The following PIK3CA variants were observed in gnomAD, a reference collection of about 807,000 sequenced individuals.
The protein encoded by PIK3CA is phosphatidylinositol-4,5-bisphosphate 3-kinase catalytic subunit alpha.
In PIK3CA, 27 loss-of-function variants were observed where a neutral mutation model predicts 138.2. The ratio of observed to expected loss-of-function variants is 0.20; its 90% CI spans 0.14 to 0.27. The LOEUF (loss-of-function observed/expected upper bound fraction) is 0.27, where lower values mean the gene tolerates loss of function less well. Among genes scored for constraint, PIK3CA ranks in the 10% least tolerant of loss-of-function variants. PIK3CA has a pLI of 1.00. For synonymous variants in PIK3CA, 358 were observed against 413.2 expected, an observed-to-expected ratio of 0.87 and a Z score of 1.62; for missense variants, 544 against 1,277.4, an observed-to-expected ratio of 0.43 and a Z score of 8.75.
chr3:179,235,769 A>C lies in PIK3CA; in HGVS notation c.*1405A>C, dbSNP rs1310102382. 1.9e-5 allele frequency: 4 copies of C among 212,136 alleles called. No homozygotes were observed. Among genetic ancestry groups the C allele is most frequent in the Non-Finnish European group, 3.8e-5 (4 of 104,632 alleles). The allele number at this position is 212,136 out of a possible 1,614,324, so 13.1% of individuals were successfully genotyped here. A position where few individuals can be genotyped will look rare whatever the true frequency, so the allele number is the denominator to read the frequency against. On this transcript the variant is annotated 3_prime_UTR_variant, in exon 21 of 21. Transcript: ENST00000263967. ...GTAGAACATTAAACCATTTTAAGAT[A>C]TGTCTCATTCCCAAGTAGTCAGAGC...
Position 179,234,166 on chromosome 3 carries a change from A to G in PIK3CA, c.3009A>G (p.Ser1003=), listed in dbSNP as rs2108429258. The change falls in exon 21 of 21, where the codon TCA becomes TCG. Residue 1003 remains serine, a synonymous_variant. Coordinates refer to ENST00000263967, the MANE Select transcript of PIK3CA (RefSeq NM_006218.4). The surrounding 1 kb of genome is among the most constrained non-coding windows in gnomAD (Gnocchi z 5.1). ...CCAATCTCTTCATAAATCTTTTCTC[A>G]ATGATGCTTGGCTCTGGAATGCCAG... The part of the protein sequence containing the change: ...QHANLFINLF[S]MMLGSGMPEL... 1 of 1,613,394 alleles carries G rather than the reference A, an allele frequency of 6.2e-7. No homozygotes were observed. The highest frequency in any genetic ancestry group is 8.5e-7 in the Non-Finnish European group (1 of 1,179,476).
chr3:179,218,854 C>G (rs978557440), intron 10 of PIK3CA, among the ~76,000 whole-genome samples: 2 of 151,910 alleles, frequency 1.3e-5, no homozygotes, highest in African/African-American at 4.8e-5. Flanking sequence ...AGTGGTGACT[C>G]TATGATTCAT....
intron 1 of PIK3CA, among the ~76,000 whole-genome samples, chr3:179,173,742 T>A (rs1402796882): frequency 6.6e-6 from 1 of 152,142 alleles, no homozygotes; most frequent in Non-Finnish European, 1.5e-5. Context: ...TGTTTTTGTT[T>A]AGAGGTGGAG....
intron 1 of PIK3CA, among the ~76,000 whole-genome samples, chr3:179,183,785 G>A (rs1357789308): frequency 6.6e-6 from 1 of 152,176 alleles, no homozygotes; most frequent in African/African-American, 2.4e-5. Flanking sequence ...AAAATGTCAG[G>A]GACCTAAGTA....
intron 1 of PIK3CA, among the ~76,000 whole-genome samples, chr3:179,187,826 A>C (rs1198654877): frequency 1.3e-5 from 2 of 151,110 alleles, no homozygotes; most frequent in African/African-American, 4.9e-5. Context: ...TTTAGTAGAG[A>C]TGGGGTTTCA....
chr3:179,208,369 T>C (rs951771967), intron 6 of PIK3CA, among the ~76,000 whole-genome samples: 3 of 152,198 alleles, frequency 2.0e-5, no homozygotes, highest in African/African-American at 7.2e-5. Flanking sequence ...ATCTAACATA[T>C]GAGCTTCTAT....
rs1724920895 is a variant in PIK3CA at position 179,219,653 on chromosome 3, T to C, written c.1829T>C (p.Met610Thr). 1.2e-6 allele frequency: 2 copies of C among 1,610,758 alleles called. No homozygotes were observed. The highest frequency in any genetic ancestry group is 1.7e-6 in the Non-Finnish European group (2 of 1,177,282). The change falls in exon 12 of 21, where the codon ATG becomes ACG. Residue 610 changes from methionine to threonine, a missense_variant. Physicochemically the swap from Met to Thr is moderately conservative, Grantham distance 81. Transcript: ENST00000263967. This position sits in a 1 kb window ranked among gnomAD's most constrained non-coding sequence, Gnocchi z 4.2. ...CTGGACTGTAATTACCCAGATCCTA[T>C]GGTTCGAGGTTTTGCTGTTCGGTGC... Reference protein sequence around the residue: ...ELLDCNYPDPMVRGFAVRCLE... With the variant: ...ELLDCNYPDPTVRGFAVRCLE...
At chr3:179,214,681 A>G (rs1015702622) in intron 9 of PIK3CA, among the ~76,000 whole-genome samples, 3 of 152,164 alleles carry the variant, frequency 2.0e-5, no homozygotes, top group African/African-American at 7.2e-5. Flanking sequence ...TAGGGATACC[A>G]CCACAAACCT....
At position 179,206,148 on chromosome 3, in the gene PIK3CA, G is replaced by A. The variant is rs146649648; in HGVS notation, c.1145+1560G>A. Among the ~76,000 whole-genome samples, 189 of 137,954 alleles carry A rather than the reference G, an allele frequency of 1.4e-3. 1 individual carries two copies. Among genetic ancestry groups the A allele is most frequent in the African/African-American group, 4.9e-3 (176 of 35,746 alleles). The allele number at this position is 137,954 out of a possible 152,430, so 90.5% of individuals were successfully genotyped here. The stretch of plus-strand genomic sequence containing the variant: ...ACCCTGTGGCCCAGGCTGGAGTACA[G>A]TCAAGTGTAAGCGATTCTCCTGCCT... On this transcript the variant is annotated intron_variant, in intron 6 of 20. Coordinates refer to ENST00000263967, the MANE Select transcript of PIK3CA (RefSeq NM_006218.4).
At chr3:179,224,453 A>G (rs935024546) in intron 15 of PIK3CA, among the ~76,000 whole-genome samples, 4 of 149,536 alleles carry the variant, frequency 2.7e-5, no homozygotes. Context: ...TGGAAATGTA[A>G]TATCTGTAAA....
chr3:179,172,491 G>GA (rs532076726), intron 1 of PIK3CA, among the ~76,000 whole-genome samples: 22,678 of 139,916 alleles, frequency 0.16, 1,883 homozygotes, highest in South Asian at 0.24. Context: ...CTACCAAAAA[G>GA]AAAAAAAAAA....
upstream of PIK3CA, chr3:179,148,170 A>AGGGG (rs145529934): frequency 6.2e-5 from 7 of 112,216 alleles, no homozygotes; most frequent in African/African-American, 1.3e-4. Context: ...CTGCCGGAGG[A>AGGGG]GGGGGGGGGC....
intron 1 of PIK3CA, among the ~76,000 whole-genome samples, chr3:179,153,896 G>C (rs919104949): frequency 6.6e-6 from 1 of 152,298 alleles, no homozygotes; most frequent in South Asian, 2.1e-4. Context: ...TGAGGATTCA[G>C]CTTCAAGGCT....
At chr3:179,171,071 G>A (rs1294020911) in intron 1 of PIK3CA, among the ~76,000 whole-genome samples, 1 of 152,076 alleles carries the variant, frequency 6.6e-6, no homozygotes, top group African/African-American at 2.4e-5. Context: ...AATAAATATG[G>A]AAGAATTGAA....
Position 179,163,101 on chromosome 3 carries a change from A to G in PIK3CA, c.-77+14498A>G, listed in dbSNP as rs189913318. Among the ~76,000 whole-genome samples, 16 of 152,320 alleles carry G rather than the reference A, an allele frequency of 1.1e-4. No homozygotes were observed. The East Asian group carries it at 3.1e-3, about 29-fold the overall frequency. ...ATCCCAGAAACACTCTAAATATGAT[A>G]AAGAAGTAATCAGAAATTAGGAGAA... On this transcript the variant is annotated intron_variant, in intron 1 of 20. Coordinates refer to ENST00000263967, the MANE Select transcript of PIK3CA (RefSeq NM_006218.4).
At chr3:179,205,643 C>G (rs544844729) in intron 6 of PIK3CA, among the ~76,000 whole-genome samples, 1 of 152,232 alleles carries the variant, frequency 6.6e-6, no homozygotes, top group South Asian at 2.1e-4. Context: ...TTATGGGGAA[C>G]ATTTTAAATT....
chr3:179,209,128 CAAAGT>C (rs1724644079), intron 6 of PIK3CA, among the ~76,000 whole-genome samples: 1 of 151,244 alleles, frequency 6.6e-6, no homozygotes. Flanking sequence ...AGTTCAGTCA[CAAAGT>C]AAATACCCAT....
intron 1 of PIK3CA, among the ~76,000 whole-genome samples, chr3:179,194,832 C>G (rs909348360): frequency 6.6e-6 from 1 of 152,104 alleles, no homozygotes; most frequent in Admixed American, 6.6e-5. Flanking sequence ...CTCTCTGAAG[C>G]CTTCCCTAAT....
At chr3:179,174,602 G>C (rs1242628169) in intron 1 of PIK3CA, among the ~76,000 whole-genome samples, 1 of 152,116 alleles carries the variant, frequency 6.6e-6, no homozygotes, top group African/African-American at 2.4e-5. Flanking sequence ...TCTGGTATTT[G>C]CCACCTTATA....
Sources: allele counts gnomAD v4.1 joint callset (sites outside exome capture counted in the v4.1 genomes callset), GRCh38; gene constraint gnomAD v4.1.1; non-coding constraint Gnocchi (gnomAD v3.1); transcripts MANE v1.5; gene names NCBI Gene and HGNC (gene_info 2026-07-23, HGNC 2026-07-21).